Variants in CACNA2D3 observed in about 807,000 individuals in gnomAD.
CACNA2D3 encodes calcium voltage-gated channel auxiliary subunit alpha2delta 3, also known as voltage-dependent calcium channel subunit alpha-2/delta-3.
Under a neutral mutation model 160.6 loss-of-function variants are expected in CACNA2D3, and 60 were observed. The observed-to-expected ratio is 0.37, with a 90% confidence interval of 0.30 to 0.46. The LOEUF is 0.46. CACNA2D3 is among the 20% of genes least tolerant of loss of function. The pLI, the probability that CACNA2D3 is intolerant of heterozygous loss-of-function variation, is 1.00. For synonymous variants in CACNA2D3, 558 were observed against 492.9 expected (o/e 1.13, Z -1.75); for missense variants, 1,205 against 1,365.0 (o/e 0.88, Z 1.85).
intron 25 of CACNA2D3, among the ~76,000 whole-genome samples, chr3:54,895,191 T>C (rs1335986868): frequency 6.6e-6 from 1 of 152,102 alleles, no homozygotes; most frequent in Non-Finnish European, 1.5e-5. Context: ...TTAAACAAAT[T>C]GAGAAATTTT....
At chr3:54,509,311 G>C (rs963352430) in intron 5 of CACNA2D3, among the ~76,000 whole-genome samples, 4 of 149,792 alleles carry the variant, frequency 2.7e-5, no homozygotes, top group African/African-American at 7.4e-5. Flanking sequence ...GTGTGTGTGT[G>C]TTTGAGAGAG....
chr3:54,647,664 G>T (rs1282774922), intron 11 of CACNA2D3, among the ~76,000 whole-genome samples: 1 of 152,222 alleles, frequency 6.6e-6, no homozygotes, highest in Non-Finnish European at 1.5e-5. Context: ...GCATTTGTGA[G>T]TGTCATTTGT....
intron 11 of CACNA2D3, among the ~76,000 whole-genome samples, chr3:54,669,252 A>G (rs1253165129): frequency 1.3e-5 from 2 of 152,166 alleles, no homozygotes; most frequent in South Asian, 2.1e-4. Flanking sequence ...TGCAAACCAC[A>G]TAGTCAGTCC....
At chr3:54,763,493 A>T (rs918224082) in intron 12 of CACNA2D3, among the ~76,000 whole-genome samples, 2 of 151,894 alleles carry the variant, frequency 1.3e-5, no homozygotes, top group Non-Finnish European at 2.9e-5. Context: ...TTTAATTTTT[A>T]TGGTTCCTAG....
intron 11 of CACNA2D3, among the ~76,000 whole-genome samples, chr3:54,657,388 C>A (rs557066258): frequency 2.0e-5 from 3 of 152,242 alleles, no homozygotes; most frequent in South Asian, 4.1e-4. Context: ...GAACACTTAA[C>A]GTGAGATCTA....
At chr3:54,494,220 T>C (rs759660334) in intron 4 of CACNA2D3, among the ~76,000 whole-genome samples, 2 of 152,232 alleles carry the variant, frequency 1.3e-5, no homozygotes, top group Non-Finnish European at 2.9e-5. Flanking sequence ...ATTGATCATA[T>C]GGACAAAACC....
At chr3:54,774,537 G>A (rs1020865586) in intron 13 of CACNA2D3, among the ~76,000 whole-genome samples, 2 of 152,046 alleles carry the variant, frequency 1.3e-5, no homozygotes, top group African/African-American at 2.4e-5. Flanking sequence ...CCAACACCGG[G>A]GGTTACAATT....
Position 55,073,785 on chromosome 3 carries a change from T to C in CACNA2D3, c.3109T>C (p.Ser1037Pro). The C allele has an allele frequency of 1.9e-6, 3 of 1,612,890 alleles. No homozygotes were observed. The highest frequency in any genetic ancestry group is 2.5e-6 in the Non-Finnish European group (3 of 1,179,078). ...CCTTAACTACAGTCAACATAATGAA[T>C]CCCTTAAGTGTGAACGTCTAAAGGC... ...MAPIEIRYNE[S>P]LKCERLKAQK... The change falls in exon 37 of 38, where the codon TCC (serine) becomes CCC (proline). Residue 1037 changes from serine to proline, a missense_variant. Ser to Pro is a moderately conservative substitution (Grantham distance 74, BLOSUM62 -1). Transcript: ENST00000474759.
intron 2 of CACNA2D3, among the ~76,000 whole-genome samples, chr3:54,263,121 A>C (rs924968082): frequency 6.6e-6 from 1 of 152,228 alleles, no homozygotes. Flanking sequence ...AATGAAGCAC[A>C]TGCTATGCAT....
chr3:54,359,399 T>C (rs1698704581), intron 3 of CACNA2D3, among the ~76,000 whole-genome samples: 1 of 152,150 alleles, frequency 6.6e-6, no homozygotes, highest in African/African-American at 2.4e-5. Flanking sequence ...TGTTTTGGCA[T>C]AGAGATAGAA....
intron 13 of CACNA2D3, among the ~76,000 whole-genome samples, chr3:54,802,025 A>G (rs1703001247): frequency 6.6e-6 from 1 of 152,202 alleles, no homozygotes; most frequent in Non-Finnish European, 1.5e-5. Context: ...AAAGTAGTAA[A>G]GTCAGCTATG....
At chr3:55,038,034 T>C (rs1204581304) in intron 35 of CACNA2D3, among the ~76,000 whole-genome samples, 1 of 152,104 alleles carries the variant, frequency 6.6e-6, no homozygotes, top group Admixed American at 6.5e-5. Context: ...AACAACTTAT[T>C]TTGCCTTAAA....
At position 55,074,460 on chromosome 3, in the gene CACNA2D3, T is replaced by TG; in HGVS notation, c.*257dup. The TG allele has an allele frequency of 2.0e-6, 1 of 494,542 alleles. No homozygotes were observed. The highest frequency in any genetic ancestry group is 2.4e-5 in the South Asian group (1 of 40,838). 30.6% of individuals were successfully genotyped at this position (494,542 alleles called of 1,614,324 possible). A position where few individuals can be genotyped will look rare whatever the true frequency, so the allele number is the denominator to read the frequency against. On this transcript the variant is annotated 3_prime_UTR_variant, in exon 38 of 38. Transcript: ENST00000474759. The stretch of plus-strand genomic sequence containing the variant: ...CATGATAATCACCCTTCATCAGAAA[T>TG]GGGACCGCAAGTGGTAGGCAGTGTC...
At chr3:54,211,455 A>G (rs775398001) in intron 2 of CACNA2D3, among the ~76,000 whole-genome samples, 2 of 152,182 alleles carry the variant, frequency 1.3e-5, no homozygotes. Context: ...GATTACTGGA[A>G]GTGAAAATGT....
intron 10 of CACNA2D3, among the ~76,000 whole-genome samples, chr3:54,630,342 G>T (rs553725256): frequency 5.9e-5 from 9 of 151,960 alleles, no homozygotes; most frequent in African/African-American, 1.9e-4. Context: ...CCTTTCCCTG[G>T]TACCCTTTCT....
intron 4 of CACNA2D3, 52 bp from the exon 5 acceptor site, chr3:54,503,440 C>T: frequency 6.4e-7 from 1 of 1,568,306 alleles, no homozygotes; most frequent in Non-Finnish European, 8.8e-7. Flanking sequence ...TAAGTGAGTT[C>T]ACAGCCCTCT....
chr3:54,157,889 TAGTG>T (rs1320685498), intron 2 of CACNA2D3, among the ~76,000 whole-genome samples: 2 of 151,788 alleles, frequency 1.3e-5, no homozygotes, highest in African/African-American at 2.4e-5. Context: ...CAAAGATTCT[TAGTG>T]AGCAGCTTCC....
intron 2 of CACNA2D3, among the ~76,000 whole-genome samples, chr3:54,208,715 A>G (rs989188976): frequency 6.7e-6 from 1 of 150,332 alleles, no homozygotes. Context: ...CTTGTTTTAG[A>G]GCATCACTGT....
intron 34 of CACNA2D3, among the ~76,000 whole-genome samples, chr3:55,010,220 A>C (rs1343032624): frequency 6.6e-6 from 1 of 152,118 alleles, no homozygotes; most frequent in Non-Finnish European, 1.5e-5. Flanking sequence ...AACAGCAGAC[A>C]CTGGGGCCTA....
Sources: allele counts gnomAD v4.1 joint callset (sites outside exome capture counted in the v4.1 genomes callset), GRCh38; gene constraint gnomAD v4.1.1; transcripts MANE v1.5; gene names NCBI Gene and HGNC (gene_info 2026-07-23, HGNC 2026-07-21).